RIN3: variants seen among roughly 807,000 people sequenced by gnomAD.
RIN3 encodes RAB5 interacting protein 3.
RIN3 carries 54 observed loss-of-function variants against 76.3 expected under a neutral mutation model. That is an observed-to-expected ratio of 0.71 (90% CI 0.57 to 0.89). RIN3 has a LOEUF of 0.89. Among genes scored for constraint, RIN3 ranks in the 40% least tolerant of loss-of-function variants. The pLI is 0.00. For synonymous variants in RIN3, 576 were observed against 564.0 expected (o/e 1.02, Z -0.30); for missense variants, 1,256 against 1,322.1 (o/e 0.95, Z 0.78).
chr14:92,561,031 A>AT (rs1194575603), intron 2 of RIN3, among the ~76,000 whole-genome samples: 1 of 77,876 alleles, frequency 1.3e-5, no homozygotes, highest in Non-Finnish European at 2.6e-5. Context: ...AAAAAAAAAA[A>AT]AAAAAAAAAA....
At chr14:92,544,290 C>T (rs1335976477) in intron 1 of RIN3, among the ~76,000 whole-genome samples, 3 of 148,980 alleles carry the variant, frequency 2.0e-5, no homozygotes, top group South Asian at 2.1e-4. Flanking sequence ...GGCCACACCG[C>T]ACTCTTCCCG....
intron 3 of RIN3, among the ~76,000 whole-genome samples, chr14:92,608,168 A>G (rs1377512801): frequency 1.3e-5 from 2 of 152,206 alleles, no homozygotes; most frequent in Non-Finnish European, 2.9e-5. Context: ...ATGAGTGCAT[A>G]TAAAACTGCT....
chr14:92,589,999 A>G (rs1337426502), intron 3 of RIN3, among the ~76,000 whole-genome samples: 2 of 152,222 alleles, frequency 1.3e-5, no homozygotes, highest in African/African-American at 4.8e-5. Context: ...GCAGAAACCC[A>G]CAGGCAAAAC....
chr14:92,664,112 G>A (rs1181502141), intron 7 of RIN3, among the ~76,000 whole-genome samples: 1 of 152,072 alleles, frequency 6.6e-6, no homozygotes, highest in Non-Finnish European at 1.5e-5. Context: ...GCACCCCAGG[G>A]GCCACCAAAG....
At chr14:92,684,120 C>T (rs1022999865) in intron 8 of RIN3, among the ~76,000 whole-genome samples, 1 of 152,104 alleles carries the variant, frequency 6.6e-6, no homozygotes, top group African/African-American at 2.4e-5. Context: ...TGGTTCATGT[C>T]AGTAATCCCA....
chr14:92,537,301 G>T (rs905166500), intron 1 of RIN3, among the ~76,000 whole-genome samples: 3 of 151,994 alleles, frequency 2.0e-5, no homozygotes, highest in African/African-American at 7.2e-5. Context: ...CCCACCCTAG[G>T]AATCTTTCCA....
intron 7 of RIN3, among the ~76,000 whole-genome samples, chr14:92,667,130 G>A (rs1217436771): frequency 6.6e-6 from 1 of 152,196 alleles, no homozygotes; most frequent in Non-Finnish European, 1.5e-5. Flanking sequence ...GACCCCAGGG[G>A]TATGGAATAA....
chr14:92,514,490 A>C lies in RIN3; in HGVS notation c.44+514A>C, dbSNP rs1207428948. Among the ~76,000 whole-genome samples the C allele has an allele frequency of 6.6e-6, 1 of 152,100 alleles. No homozygotes were observed. Among genetic ancestry groups the C allele is most frequent in the Non-Finnish European group, 1.5e-5 (1 of 67,996 alleles). ...TTGGGTGCCCGCGGCCCAACAGCTG[A>C]CCGGCCCTCCTGGACCGAGGGTCCA... is the stretch of plus-strand genomic sequence containing the variant. On this transcript the variant is annotated intron_variant, in intron 1 of 9. Transcript: ENST00000216487. This position sits in a 1 kb window ranked among gnomAD's most constrained non-coding sequence, Gnocchi z 7.2.
rs1297815300 is a variant in RIN3, at chr14:92,656,699, G to A, written c.2027-2462G>A. Among the ~76,000 whole-genome samples, 1 of 152,208 alleles carries A rather than the reference G, an allele frequency of 6.6e-6. No individual in the cohort carries two copies. Among genetic ancestry groups the A allele is most frequent in the African/African-American group, 2.4e-5 (1 of 41,454 alleles). On this transcript the variant is annotated intron_variant, in intron 6 of 9. Coordinates refer to ENST00000216487, the MANE Select transcript of RIN3 (RefSeq NM_024832.5). This position sits in a 1 kb window ranked among gnomAD's most constrained non-coding sequence, Gnocchi z 5.2. ...GCAGAGAGGTTTCCAGGCAGTGAGA[G>A]GTGGCAGCTGAGCTGAGCCACCAAG...
At chr14:92,530,714 G>C (rs894580112) in intron 1 of RIN3, among the ~76,000 whole-genome samples, 3 of 151,970 alleles carry the variant, frequency 2.0e-5, no homozygotes, top group Non-Finnish European at 4.4e-5. Context: ...TGAACTCCCT[G>C]CATCTCCGTG....
intron 1 of RIN3, among the ~76,000 whole-genome samples, chr14:92,519,547 G>A (rs775698746): frequency 2.0e-5 from 3 of 152,188 alleles, no homozygotes; most frequent in Non-Finnish European, 2.9e-5. Context: ...TACGGGGCCT[G>A]GCTGTTTAGA....
intron 4 of RIN3, among the ~76,000 whole-genome samples, chr14:92,618,984 A>G (rs766932976): frequency 1.4e-4 from 22 of 152,212 alleles, no homozygotes; most frequent in Non-Finnish European, 3.1e-4. Context: ...CATAGCACTG[A>G]GAAGAAAATT....
intron 1 of RIN3, among the ~76,000 whole-genome samples, chr14:92,530,124 A>T (rs886421205): frequency 6.6e-6 from 1 of 151,668 alleles, no homozygotes; most frequent in Non-Finnish European, 1.5e-5. Context: ...CGTGTAGATA[A>T]ATCTTCCCCT....
intron 1 of RIN3, among the ~76,000 whole-genome samples, chr14:92,530,390 G>A (rs1896853796): frequency 6.6e-6 from 1 of 152,194 alleles, no homozygotes; most frequent in African/African-American, 2.4e-5. Flanking sequence ...ACTCTTGTAG[G>A]GAGTAGTGTA....
At chr14:92,616,680 C>T (rs1406232543) in intron 4 of RIN3, among the ~76,000 whole-genome samples, 1 of 152,096 alleles carries the variant, frequency 6.6e-6, no homozygotes, top group Non-Finnish European at 1.5e-5. Flanking sequence ...ATAGTGGAGG[C>T]AGGATAGCTT....
chr14:92,586,015 C>T (rs1043341529), intron 3 of RIN3, among the ~76,000 whole-genome samples: 2 of 152,182 alleles, frequency 1.3e-5, no homozygotes, highest in Non-Finnish European at 2.9e-5. Context: ...GGTTTTAATT[C>T]TCTGTCACCT....
Position 92,685,001 on chromosome 14 carries a change from A to T in RIN3, c.2482A>T (p.Thr828Ser), listed in dbSNP as rs752209042. The T allele has an allele frequency of 5.6e-6, 9 of 1,613,072 alleles. No individual in the cohort carries two copies. Among genetic ancestry groups the T allele is most frequent in the Non-Finnish European group, 7.6e-6 (9 of 1,179,356 alleles). Residue 828 changes from threonine to serine, a missense_variant, in exon 9 of 10, where the codon ACC becomes TCC. Thr to Ser is a moderately conservative substitution (Grantham distance 58). This residue lies in a region of RIN3 where 428 missense variants were observed against 521.2 expected (regional missense o/e 0.82). Transcript: ENST00000216487. This position sits in a 1 kb window ranked among gnomAD's most constrained non-coding sequence, Gnocchi z 4.7. Reference protein sequence around the residue: ...LQLGEGSYYLTTTYGALEHIK... With the variant: ...LQLGEGSYYLSTTYGALEHIK... ...TGTCCACGCAGGTTCCTACTATCTG[A>T]CCACCACCTACGGGGCCCTGGAGCA...
chr14:92,673,964 TAC>T (rs1888374672), intron 7 of RIN3, among the ~76,000 whole-genome samples: 1 of 152,238 alleles, frequency 6.6e-6, no homozygotes, highest in African/African-American at 2.4e-5. Context: ...AGATTTTAGA[TAC>T]AGTCGTTGTT....
intron 1 of RIN3, among the ~76,000 whole-genome samples, chr14:92,528,855 A>G (rs1160334049): frequency 6.6e-6 from 1 of 151,912 alleles, no homozygotes; most frequent in African/African-American, 2.4e-5. Context: ...CGCGGGACAC[A>G]CTCCAGTTCT....
Sources: gnomAD v4.1 joint callset for allele counts (sites outside exome capture counted in the v4.1 genomes callset) on GRCh38, gnomAD v4.1.1 for gene constraint, gnomAD v4.1.1 regional missense constraint, Gnocchi (gnomAD v3.1) non-coding constraint, MANE v1.5 for transcripts, NCBI Gene and HGNC (gene_info 2026-07-23, HGNC 2026-07-21) for gene names.